Variants in MYOM2 observed in about 807,000 individuals in gnomAD.
The protein encoded by MYOM2 is myomesin 2.
A neutral mutation model predicts 187.6 loss-of-function variants in MYOM2; 254 were observed. That is an observed-to-expected ratio of 1.35 (90% CI 1.22 to 1.50). The LOEUF (loss-of-function observed/expected upper bound fraction) is 1.50. Ranked by LOEUF, MYOM2 falls within the 40% of genes most tolerant of loss-of-function variation. The probability of loss-of-function intolerance (pLI) is 0.00; values close to 1 mark genes in which losing one functional copy is unlikely to be tolerated. For synonymous variants in MYOM2, 981 were observed against 753.8 expected, an observed-to-expected ratio of 1.30 and a Z score of -4.94; for missense variants, 2,796 against 1,924.0, an observed-to-expected ratio of 1.45 and a Z score of -8.48.
At chr8:2,067,187 G>A (rs556680085) in intron 6 of MYOM2, among the ~76,000 whole-genome samples, 2 of 152,314 alleles carry the variant, frequency 1.3e-5, no homozygotes, top group East Asian at 1.9e-4. Flanking sequence ...TTTTCAGCAC[G>A]TATAGTGGAA....
At chr8:2,102,913 G>A (rs890993806) in intron 21 of MYOM2, 132 bp downstream of exon 21, 2 of 685,054 alleles carry the variant, frequency 2.9e-6, no homozygotes, top group East Asian at 2.8e-5. Context: ...TGTATGTGTG[G>A]ATGGGTCTGT....
At chr8:2,123,144 C>A in intron 28 of MYOM2, 108 bp from the exon 29 acceptor site, 2 of 690,278 alleles carry the variant, frequency 2.9e-6, no homozygotes, top group South Asian at 2.2e-5. Flanking sequence ...ATAGTAAAAA[C>A]TAAGGTTTTT....
At chr8:2,064,892 A>C (rs897180750) in intron 6 of MYOM2, among the ~76,000 whole-genome samples, 1 of 152,230 alleles carries the variant, frequency 6.6e-6, no homozygotes, top group Non-Finnish European at 1.5e-5. Flanking sequence ...AGGAGCTGTG[A>C]AACAGCAATT....
chr8:2,144,598 C>A, intron 36 of MYOM2, 66 bp from the exon 37 acceptor site: 7 of 1,529,228 alleles, frequency 4.6e-6, no homozygotes, highest in Non-Finnish European at 6.3e-6. Context: ...AGCCCACCGT[C>A]CGAGGGGGTG....
chr8:2,124,977 TG>T (rs1797587248), intron 31 of MYOM2, among the ~76,000 whole-genome samples: 1 of 152,212 alleles, frequency 6.6e-6, no homozygotes, highest in African/African-American at 2.4e-5. Context: ...TTATGGATTT[TG>T]AATATTAGTC....
In MYOM2 at chr8:2,057,746, A is replaced by ACCGTGCAAGGATTTCCCACGCCC; in HGVS notation, c.527_549dup (p.Val184ProfsTer18). 6.2e-7 allele frequency: 1 copy of ACCGTGCAAGGATTTCCCACGCCC among 1,614,018 alleles called. No individual in the cohort carries two copies. Among genetic ancestry groups the ACCGTGCAAGGATTTCCCACGCCC allele is most frequent in the Non-Finnish European group, 8.5e-7 (1 of 1,179,986 alleles). On this transcript the variant is annotated frameshift_variant, in exon 5 of 37. Coordinates refer to ENST00000262113, the MANE Select transcript of MYOM2 (RefSeq NM_003970.4). LOFTEE classifies it high-confidence loss of function. Reference sequence around the variant, plus strand: ...GAGGATGTCTGTGAAACTCTGCTTCACCGTGCAAGGATTTCCCACGCCCGT... The same window carrying ACCGTGCAAGGATTTCCCACGCCC: ...GAGGATGTCTGTGAAACTCTGCTTCACCGTGCAAGGATTTCCCACGCCCCCGTGCAAGGATTTCCCACGCCCGT...
rs17064685 is a variant in MYOM2 at position 2,092,353 on chromosome 8, T to G, written c.1836T>G (p.Pro612=). ...TTTGTCTCCTACGAAAAGTTGTCCC[T>G]TCTGCTCCGGGTCGGGTTCTTGCTT... is the stretch of plus-strand genomic sequence containing the variant. The part of the protein sequence containing the change: ...PIQAQDVTVV[P]SAPGRVLASR... Residue 612 remains proline (P), a synonymous_variant, in exon 16 of 37, where the codon CCT becomes CCG. Coordinates refer to ENST00000262113, the MANE Select transcript of MYOM2 (RefSeq NM_003970.4). The G allele has an allele frequency of 0.039, 62,672 of 1,613,860 alleles. 2,136 individuals carry two copies. The highest frequency in any genetic ancestry group is 0.18 in the African/African-American group (13,836 of 74,988).
intron 21 of MYOM2, among the ~76,000 whole-genome samples, chr8:2,103,040 ATGAG>A (rs1796765472): frequency 1.3e-5 from 2 of 151,946 alleles, no homozygotes; most frequent in South Asian, 4.2e-4. Flanking sequence ...GTCTGAATAA[ATGAG>A]TGGGAGAGTG....
intron 18 of MYOM2, chr8:2,097,916 C>G (rs994642553): frequency 6.6e-6 from 1 of 152,258 alleles, no homozygotes; most frequent in Non-Finnish European, 1.5e-5. Flanking sequence ...ACTCGCCCCT[C>G]CTGTTGCTGC....
chr8:2,082,677 GA>G (rs1819669232), intron 13 of MYOM2, among the ~76,000 whole-genome samples: 2 of 152,174 alleles, frequency 1.3e-5, no homozygotes, highest in Non-Finnish European at 2.9e-5. Flanking sequence ...GGCCAGAATA[GA>G]CCCTCACAGA....
chr8:2,131,657 T>C (rs923236521), intron 32 of MYOM2, among the ~76,000 whole-genome samples: 3 of 150,884 alleles, frequency 2.0e-5, no homozygotes, highest in Non-Finnish European at 4.4e-5. Context: ...TTTTTTTTTT[T>C]TTTTGAGACA....
chr8:2,127,795 G>T (rs901777440), intron 31 of MYOM2: 2 of 159,112 alleles, frequency 1.3e-5, no homozygotes, highest in African/African-American at 4.8e-5. Flanking sequence ...GTGACGCCAT[G>T]ACGCAGCCGG....
At chr8:2,090,320 T>G in intron 15 of MYOM2, 129 bp downstream of exon 15, 1 of 853,254 alleles carries the variant, frequency 1.2e-6, no homozygotes, top group Non-Finnish European at 1.7e-6. Flanking sequence ...GACTTAAAAC[T>G]TCACTTTACG....
intron 6 of MYOM2, among the ~76,000 whole-genome samples, chr8:2,066,765 T>A (rs1222969307): frequency 1.3e-5 from 2 of 152,178 alleles, no homozygotes; most frequent in East Asian, 3.9e-4. Flanking sequence ...ATGCTTAGCA[T>A]TGGAGAAAGC....
rs141170833 is a variant in MYOM2, at chr8:2,078,761, G to A, written c.1290G>A (p.Val430=). 2.8e-5 allele frequency: 46 copies of A among 1,614,072 alleles called. No individual in the cohort carries two copies. Among genetic ancestry groups the A allele is most frequent in the Non-Finnish European group, 3.6e-5 (43 of 1,180,046 alleles). ...DRCEVGTNNW[V]QCNDAPVKIC... ...GTGAAGTAGGAACGAATAATTGGGT[G>A]CAGTGCAATGATGCACCGGTGAAAA... The change falls in exon 12 of 37, where the codon GTG becomes GTA. Residue 430 remains valine, a synonymous_variant. Coordinates refer to ENST00000262113, the MANE Select transcript of MYOM2 (RefSeq NM_003970.4).
At chr8:2,058,675 G>T (rs562881006) in intron 5 of MYOM2, among the ~76,000 whole-genome samples, 1 of 152,330 alleles carries the variant, frequency 6.6e-6, no homozygotes, top group South Asian at 2.1e-4. Flanking sequence ...TGGAAGACAG[G>T]CTTGGGAGGC....
chr8:2,094,120 G>C, intron 17 of MYOM2, 29 bp downstream of exon 17: 1 of 1,613,002 alleles, frequency 6.2e-7, no homozygotes, highest in Non-Finnish European at 8.5e-7. Flanking sequence ...GTTGTGTGCC[G>C]ATTGCTCCCA....
intron 18 of MYOM2, among the ~76,000 whole-genome samples, 193 bp downstream of exon 18, chr8:2,096,627 C>T (rs1167234494): frequency 6.6e-6 from 1 of 152,138 alleles, no homozygotes; most frequent in African/African-American, 2.4e-5. Context: ...TTCTGAGAAG[C>T]AGTGAAGAAG....
rs1224401353 is a variant in MYOM2, at chr8:2,076,232, G to C, written c.1212G>C (p.Lys404Asn). 6.2e-7 allele frequency: 1 copy of C among 1,613,734 alleles called. No individual in the cohort carries two copies. Among genetic ancestry groups the C allele is most frequent in the African/African-American group, 1.3e-5 (1 of 75,052 alleles). The change falls in exon 11 of 37, where the codon AAG becomes AAC. Residue 404 changes from lysine (K) to asparagine (N), a missense_variant. By Grantham distance (94) the Lys-to-Asn change is moderately conservative. Transcript: ENST00000262113. ...ANRDYVIVTWKPPNTTTESPV... is the reference protein window; with the variant it reads ...ANRDYVIVTWNPPNTTTESPV... ...GGGACTACGTCATCGTGACCTGGAAGCCGCCCAACACCACCACTGAGAGCC... is the reference window on the plus strand; with the variant it reads ...GGGACTACGTCATCGTGACCTGGAACCCGCCCAACACCACCACTGAGAGCC...
Sources: gnomAD v4.1 joint callset for allele counts (sites outside exome capture counted in the v4.1 genomes callset) on GRCh38, gnomAD v4.1.1 for gene constraint, MANE v1.5 for transcripts, NCBI Gene and HGNC (gene_info 2026-07-23, HGNC 2026-07-21) for gene names.